Variants in SCHIP1 observed in about 807,000 individuals in gnomAD.
SCHIP1 encodes schwannomin interacting protein 1.
A neutral mutation model predicts 29.7 loss-of-function variants in SCHIP1; 8 were observed. The observed-to-expected ratio is 0.27, with a 90% confidence interval of 0.16 to 0.49. The LOEUF is 0.49. Ranked by LOEUF, SCHIP1 falls within the 20% of genes least tolerant of loss-of-function variation. The pLI is 0.99. For missense variants in SCHIP1, 193 were observed against 294.6 expected (o/e 0.66, Z 2.52); for synonymous variants, 76 against 94.9 (o/e 0.80, Z 1.16).
At chr3:159,334,919 G>A in the SCHIP1 span, among the ~76,000 whole-genome samples, 1 of 143,560 alleles carries the variant, frequency 7.0e-6, no homozygotes, top group Non-Finnish European at 1.5e-5. Flanking sequence ...TTTTAATTTT[G>A]AGACCGAGTA....
chr3:159,694,629 T>G, the SCHIP1 span, among the ~76,000 whole-genome samples: 1 of 151,838 alleles, frequency 6.6e-6, no homozygotes, highest in Non-Finnish European at 1.5e-5. Context: ...CAATGACATA[T>G]TTTTAAAAAG....
chr3:159,772,442 C>A, the SCHIP1 span, among the ~76,000 whole-genome samples: 1 of 152,128 alleles, frequency 6.6e-6, no homozygotes, highest in Non-Finnish European at 1.5e-5. Flanking sequence ...CACGCCCGGC[C>A]CATAACTACT....
the SCHIP1 span, chr3:159,387,384 T>C: frequency 2.7e-6 from 1 of 373,484 alleles, no homozygotes; most frequent in Non-Finnish European, 5.3e-6. Context: ...GATCTTCATG[T>C]CCTTGACCAG....
At chr3:159,764,430 C>G in the SCHIP1 span, 1 of 1,573,364 alleles carries the variant, frequency 6.4e-7, no homozygotes, top group Non-Finnish European at 8.6e-7. The surrounding 1 kb of genome is among the most constrained non-coding windows in gnomAD (Gnocchi z 6.1). Context: ...CACTCTCTAC[C>G]TCCTCCCCCT....
the SCHIP1 span, among the ~76,000 whole-genome samples, chr3:159,509,628 GT>G: frequency 6.6e-6 from 1 of 152,298 alleles, no homozygotes; most frequent in South Asian, 2.1e-4. Flanking sequence ...TCCACGTTTA[GT>G]ACTTCCTTCA....
At chr3:159,807,612 G>T in the SCHIP1 span, among the ~76,000 whole-genome samples, 1 of 152,096 alleles carries the variant, frequency 6.6e-6, no homozygotes, top group Non-Finnish European at 1.5e-5. Flanking sequence ...GTGTGTGTTT[G>T]TGTGTGTGTG....
At chr3:159,731,611 A>G in the SCHIP1 span, among the ~76,000 whole-genome samples, 2 of 152,216 alleles carry the variant, frequency 1.3e-5, no homozygotes, top group East Asian at 1.9e-4. Context: ...TCACACCACA[A>G]GCTTTACCAC....
chr3:159,717,385 G>A, the SCHIP1 span, among the ~76,000 whole-genome samples: 1 of 152,116 alleles, frequency 6.6e-6, no homozygotes, highest in South Asian at 2.1e-4. Context: ...TAAGATCAAA[G>A]CAGAACTGAA....
chr3:159,665,736 G>A, the SCHIP1 span, among the ~76,000 whole-genome samples: 1 of 152,288 alleles, frequency 6.6e-6, no homozygotes. Flanking sequence ...AGTGGAGGAT[G>A]CCAATAGTGT....
chr3:159,387,359 C>T, the SCHIP1 span: 2 of 388,850 alleles, frequency 5.1e-6, no homozygotes, highest in Non-Finnish European at 1.0e-5. Context: ...AGAGATAGAT[C>T]TCTTCCAGGG....
chr3:159,451,832 A>T, the SCHIP1 span, among the ~76,000 whole-genome samples: 1 of 152,166 alleles, frequency 6.6e-6, no homozygotes, highest in East Asian at 1.9e-4. Flanking sequence ...GCTGAGGAGA[A>T]AGGTTTGATT....
chr3:159,447,462 G>C, the SCHIP1 span, among the ~76,000 whole-genome samples: 4 of 152,170 alleles, frequency 2.6e-5, no homozygotes, highest in Non-Finnish European at 1.5e-5. Flanking sequence ...AAATACACGA[G>C]AGTCTGGGCT....
the SCHIP1 span, among the ~76,000 whole-genome samples, chr3:159,816,894 A>G: frequency 2.0e-5 from 3 of 152,036 alleles, no homozygotes; most frequent in Non-Finnish European, 4.4e-5. Flanking sequence ...CCTACTCATC[A>G]CTGAAACGCA....
At chr3:159,457,298 A>C in the SCHIP1 span, among the ~76,000 whole-genome samples, 2 of 152,286 alleles carry the variant, frequency 1.3e-5, no homozygotes, top group Admixed American at 6.5e-5. Flanking sequence ...GATGCATGTT[A>C]AATGTATAAA....
chr3:159,850,749 T>C (rs1712512315), intron 1 of SCHIP1, among the ~76,000 whole-genome samples: 1 of 150,612 alleles, frequency 6.6e-6, no homozygotes, highest in African/African-American at 2.4e-5. Context: ...AGTGGGGAGG[T>C]GCTACACGCT....
At chr3:159,590,163 G>A in the SCHIP1 span, among the ~76,000 whole-genome samples, 1 of 152,158 alleles carries the variant, frequency 6.6e-6, no homozygotes, top group South Asian at 2.1e-4. Flanking sequence ...CCAGACTGCA[G>A]GTCAGGAACA....
chr3:159,711,942 T>TTGCTGCTGC, the SCHIP1 span, among the ~76,000 whole-genome samples: 7 of 151,414 alleles, frequency 4.6e-5, no homozygotes, highest in East Asian at 7.8e-4. Context: ...TAGGAAGATA[T>TTGCTGCTGC]TGCTGCTGCT....
the SCHIP1 span, among the ~76,000 whole-genome samples, chr3:159,598,823 T>C: frequency 5.9e-5 from 9 of 152,178 alleles, no homozygotes; most frequent in East Asian, 1.7e-3. Flanking sequence ...AGTGAAAGAT[T>C]TACTAGATCT....
At chr3:159,397,613 G>A in the SCHIP1 span, among the ~76,000 whole-genome samples, 19 of 152,306 alleles carry the variant, frequency 1.2e-4, no homozygotes, top group Admixed American at 1.2e-3. Flanking sequence ...GCTGGGGGGT[G>A]CCTCCCAGTT....
Sources: allele counts gnomAD v4.1 joint callset (sites outside exome capture counted in the v4.1 genomes callset), GRCh38; gene constraint gnomAD v4.1.1; non-coding constraint Gnocchi (gnomAD v3.1); transcripts MANE v1.5; gene names NCBI Gene and HGNC (gene_info 2026-07-23, HGNC 2026-07-21).